TRIL: variants seen among roughly 807,000 people sequenced by gnomAD.
TRIL encodes the protein TLR4 interactor with leucine rich repeats.
Under a neutral mutation model 43.0 loss-of-function variants are expected in TRIL, and 23 were observed. That is an observed-to-expected ratio of 0.54 (90% CI 0.39 to 0.76). TRIL has a LOEUF of 0.76. TRIL is among the 30% of genes least tolerant of loss of function. The pLI is 0.00. For synonymous variants in TRIL, 602 were observed against 556.8 expected (o/e 1.08, Z -1.14); for missense variants, 1,114 against 1,139.3 (o/e 0.98, Z 0.32).
rs535694518 is a variant in TRIL at position 28,956,402 on chromosome 7, G to T, written c.1645C>A (p.Arg549Ser). ...GTGCCCAGACGATGCTTCGTCGCGC[G>T]CTGCCAGGGGTCGCCGGCGGGCGAT... ...APSPAGDPWQ[R>S]ATKHRLGTEH... is the part of the protein sequence containing the mutation. The change falls in exon 1 of 1, where the codon CGC (arginine) becomes AGC (serine). Residue 549 changes from arginine to serine, a missense_variant. Physicochemically the swap from Arg to Ser is moderately radical, Grantham distance 110. Transcript: ENST00000539664. The T allele has an allele frequency of 1.8e-5, 28 of 1,535,832 alleles. No individual in the cohort carries two copies. Among genetic ancestry groups the T allele is most frequent in the Non-Finnish European group, 2.3e-5 (26 of 1,147,230 alleles).
rs1430759633 is a variant in TRIL at position 28,954,859 on chromosome 7, C to G, written c.*752G>C. On this transcript the variant is annotated 3_prime_UTR_variant, in exon 1 of 1. Coordinates refer to ENST00000539664, the MANE Select transcript of TRIL (RefSeq NM_014817.4). ...AGAGAAGTCTTGCATGCAGCCTTCT[C>G]CTGAGAAAGTATGTAATCTTAGTTA... 6.6e-6 allele frequency: 1 copy of G among 152,192 alleles called. No homozygotes were observed. Among genetic ancestry groups the G allele is most frequent in the East Asian group, 1.9e-4 (1 of 5,202 alleles). The allele number at this position is 152,192 out of a possible 1,614,324, so 9.4% of individuals were successfully genotyped here.
At position 28,955,468 on chromosome 7, in the gene TRIL, G is replaced by A; in HGVS notation, c.*143C>T. The A allele has an allele frequency of 1.6e-6, 2 of 1,222,610 alleles. No homozygotes were observed. The highest frequency in any genetic ancestry group is 2.2e-6 in the Non-Finnish European group (2 of 908,976). The allele number at this position is 1,222,610 out of a possible 1,614,324, so 75.7% of individuals were successfully genotyped here. A position where few individuals can be genotyped will look rare whatever the true frequency, so the allele number is the denominator to read the frequency against. On this transcript the variant is annotated 3_prime_UTR_variant, in exon 1 of 1. Coordinates refer to ENST00000539664, the MANE Select transcript of TRIL (RefSeq NM_014817.4). ...TTACTTCTCGAGTATTGGGAATTGG[G>A]GGATGGTGCCCGAATTGGCCCTCTG...
Position 28,956,195 on chromosome 7 carries a change from C to G in TRIL, c.1852G>C (p.Ala618Pro). Reference protein sequence around the residue: ...EHRSPRPLGGARFRLLFDRFG... With the variant: ...EHRSPRPLGGPRFRLLFDRFG... The stretch of plus-strand genomic sequence containing the variant: ...CGGTCAAAGAGCAGGCGGAAGCGCG[C>G]GCCGCCCAGCGGCCGGGGACTGCGG... Residue 618 changes from alanine (A) to proline (P), a missense_variant, in exon 1 of 1, where the codon GCG (alanine) becomes CCG (proline). Physicochemically the swap from Ala to Pro is conservative, Grantham distance 27. Transcript: ENST00000539664. The G allele has an allele frequency of 6.4e-7, 1 of 1,566,140 alleles. No individual in the cohort carries two copies. Among genetic ancestry groups the G allele is most frequent in the Non-Finnish European group, 8.6e-7 (1 of 1,157,652 alleles).
In TRIL at chr7:28,955,868, G is replaced by A; in HGVS notation, c.2179C>T (p.Arg727Trp). 6.5e-7 allele frequency: 1 copy of A among 1,549,944 alleles called. No homozygotes were observed. Among genetic ancestry groups the A allele is most frequent in the African/African-American group, 1.4e-5 (1 of 73,194 alleles). The stretch of plus-strand genomic sequence containing the variant: ...GGGGCCCCGCCCTTCCGCCTAGCCC[G>A]CAGTTTCCTACGCAGCCAGCGAGAC... ...WASRWLRRKL[R>W]ARRKGGAPVH... The change falls in exon 1 of 1, where the codon CGG becomes TGG. Residue 727 changes from arginine to tryptophan, a missense_variant. By Grantham distance (101) the Arg-to-Trp change is moderately radical. Coordinates refer to ENST00000539664, the MANE Select transcript of TRIL (RefSeq NM_014817.4).
chr7:28,958,055 G>T lies in TRIL; in HGVS notation c.-9C>A. 1 of 1,493,460 alleles carries T rather than the reference G, an allele frequency of 6.7e-7. No individual in the cohort carries two copies. 92.5% of individuals were successfully genotyped at this position (1,493,460 alleles called of 1,614,324 possible). On this transcript the variant is annotated 5_prime_UTR_variant, in exon 1 of 1. Transcript: ENST00000539664. ...GCGCGGGCAGCCTCCATCGCCTCCC[G>T]CCCTGCGTGCAGCGGCCGGATCGTC...
In TRIL at chr7:28,957,045, G is replaced by T; in HGVS notation, c.1002C>A (p.Asn334Lys). 1 of 1,580,022 alleles carries T rather than the reference G, an allele frequency of 6.3e-7. No homozygotes were observed. Residue 334 changes from asparagine to lysine, a missense_variant, in exon 1 of 1, where the codon AAC (asparagine) becomes AAA (lysine). Transcript: ENST00000539664. ...LGRLRELSLRNNALSALSGDI... is the reference protein window; with the variant it reads ...LGRLRELSLRKNALSALSGDI... ...CCCCGGATAGGGCGCTGAGCGCGTT[G>T]TTGCGCAGGCTGAGCTCGCGCAGCC...
Position 28,955,737 on chromosome 7 carries a change from G to A in TRIL, c.2310C>T (p.Thr770=). 1.9e-6 allele frequency: 3 copies of A among 1,550,354 alleles called. No homozygotes were observed. Among genetic ancestry groups the A allele is most frequent in the African/African-American group, 2.7e-5 (2 of 73,188 alleles). Reference sequence around the variant, plus strand: ...GGTCCGCCTCACTGAGCGCGCACACGGTGGTGCGTGGCCGGTGCGACTGGA... The same window carrying A: ...GGTCCGCCTCACTGAGCGCGCACACAGTGGTGCGTGGCCGGTGCGACTGGA... ...SGFQSHRPRT[T]VCALSEADLI... is the part of the protein sequence containing the mutation. Residue 770 remains threonine (T), a synonymous_variant, in exon 1 of 1, where the codon ACC becomes ACT. Coordinates refer to ENST00000539664, the MANE Select transcript of TRIL (RefSeq NM_014817.4).
At position 28,953,999 on chromosome 7, in the gene TRIL, T is replaced by C. The variant is rs571157509; in HGVS notation, c.*1612A>G. On this transcript the variant is annotated 3_prime_UTR_variant, in exon 1 of 1. Coordinates refer to ENST00000539664, the MANE Select transcript of TRIL (RefSeq NM_014817.4). ...TGAGTCACCAGGACCCTCAGGGGCT[T>C]AAGGCCCTAAACAGAAGATTCCACT... 6.5e-6 allele frequency: 1 copy of C among 152,736 alleles called. No individual in the cohort carries two copies. The highest frequency in any genetic ancestry group is 2.1e-4 in the South Asian group (1 of 4,816). 9.5% of individuals were successfully genotyped at this position (152,736 alleles called of 1,614,324 possible). A position where few individuals can be genotyped will look rare whatever the true frequency, so the allele number is the denominator to read the frequency against.
Position 28,954,789 on chromosome 7 carries a change from G to C in TRIL, c.*822C>G, listed in dbSNP as rs931225811. 4 of 151,896 alleles carry C rather than the reference G, an allele frequency of 2.6e-5. No individual in the cohort carries two copies. The highest frequency in any genetic ancestry group is 6.6e-5 in the Admixed American group (1 of 15,250). 9.4% of individuals were successfully genotyped at this position (151,896 alleles called of 1,614,324 possible). ...ATTGAAATTTCCTTTTCCATATATA[G>C]GTTTAAAAAAATAAAATTAAAAAAG... On this transcript the variant is annotated 3_prime_UTR_variant, in exon 1 of 1. Transcript: ENST00000539664.
rs777016484 is a variant in TRIL at position 28,957,622 on chromosome 7, T to C, written c.425A>G (p.Glu142Gly). ...KLRILYANGN[E>G]ISRLSRGSFE... ...GGAGCCGCGGCTTAGGCGGCTGATC[T>C]CGTTCCCGTTGGCGTAGAGGATGCG... The change falls in exon 1 of 1, where the codon GAG becomes GGG. Residue 142 changes from glutamate to glycine, a missense_variant. Coordinates refer to ENST00000539664, the MANE Select transcript of TRIL (RefSeq NM_014817.4). 6 of 1,611,036 alleles carry C rather than the reference T, an allele frequency of 3.7e-6. No individual in the cohort carries two copies. The highest frequency in any genetic ancestry group is 8.5e-7 in the Non-Finnish European group (1 of 1,178,888).
In TRIL at chr7:28,958,098, CTG is replaced by C. The variant is rs1283954363; in HGVS notation, c.-54_-53del. 2 of 1,463,324 alleles carry C rather than the reference CTG, an allele frequency of 1.4e-6. No individual in the cohort carries two copies. The highest frequency in any genetic ancestry group is 2.7e-5 in the Admixed American group (1 of 36,850). 90.6% of individuals were successfully genotyped at this position (1,463,324 alleles called of 1,614,324 possible). On this transcript the variant is annotated 5_prime_UTR_variant, in exon 1 of 1. Coordinates refer to ENST00000539664, the MANE Select transcript of TRIL (RefSeq NM_014817.4). ...GGATCGTCCTCTTGGCCCGCCGGCT[CTG>C]TGTCTCCTCTGCATTCCCCTTAGCC...
chr7:28,956,849 A>G lies in TRIL; in HGVS notation c.1198T>C (p.Tyr400His). 1 of 1,608,064 alleles carries G rather than the reference A, an allele frequency of 6.2e-7. No homozygotes were observed. Reference sequence around the variant, plus strand: ...TGCTGGTCATCCAGGTAATCCAGGTATTTGCCTCGCAGGGCCGGGGGGTGG... The same window carrying G: ...TGCTGGTCATCCAGGTAATCCAGGTGTTTGCCTCGCAGGGCCGGGGGGTGG... ...CRHPPALRGK[Y>H]LDYLDDQQLQ... The change falls in exon 1 of 1, where the codon TAC becomes CAC. Residue 400 changes from tyrosine (Y) to histidine (H), a missense_variant. Physicochemically the swap from Tyr to His is moderately conservative, Grantham distance 83. Transcript: ENST00000539664.
rs1783443178 is a variant in TRIL, at chr7:28,958,281, G to C, written c.-235C>G. ...GCTCTGCAGACCCCGGGTACTACTT[G>C]TTGCATTTCTGTATAAAACTGTTTC... On this transcript the variant is annotated 5_prime_UTR_variant, in exon 1 of 1. Coordinates refer to ENST00000539664, the MANE Select transcript of TRIL (RefSeq NM_014817.4). The C allele has an allele frequency of 1.9e-6, 1 of 521,098 alleles. No individual in the cohort carries two copies. The highest frequency in any genetic ancestry group is 2.0e-5 in the African/African-American group (1 of 49,236). 32.3% of individuals were successfully genotyped at this position (521,098 alleles called of 1,614,324 possible).
rs1245925943 is a variant in TRIL at position 28,954,172 on chromosome 7, C to T, written c.*1439G>A. On this transcript the variant is annotated 3_prime_UTR_variant, in exon 1 of 1. Coordinates refer to ENST00000539664, the MANE Select transcript of TRIL (RefSeq NM_014817.4). ...ATTATTAATGTAAACCAAACCACTA[C>T]ACTTAGTGATAAACATGTACTTCAT... 1 of 152,532 alleles carries T rather than the reference C, an allele frequency of 6.6e-6. No individual in the cohort carries two copies. The highest frequency in any genetic ancestry group is 2.4e-5 in the African/African-American group (1 of 41,448). The allele number at this position is 152,532 out of a possible 1,614,324, so 9.4% of individuals were successfully genotyped here.
In TRIL at chr7:28,955,843, G is replaced by C. The variant is rs987925941; in HGVS notation, c.2204C>G (p.Pro735Arg). 2.3e-5 allele frequency: 36 copies of C among 1,549,568 alleles called. No individual in the cohort carries two copies. Among genetic ancestry groups the C allele is most frequent in the Non-Finnish European group, 3.1e-5 (35 of 1,146,738 alleles). ...GGAGTACATGTGCCGAACGTGGACCGGGGCCCCGCCCTTCCGCCTAGCCCG... is the reference window on the plus strand; with the variant it reads ...GGAGTACATGTGCCGAACGTGGACCCGGGCCCCGCCCTTCCGCCTAGCCCG... ...KLRARRKGGA[P>R]VHVRHMYSTR... is the part of the protein sequence containing the mutation. The change falls in exon 1 of 1, where the codon CCG (proline) becomes CGG (arginine). Residue 735 changes from proline to arginine, a missense_variant. Transcript: ENST00000539664.
In TRIL at chr7:28,958,148, T is replaced by C. The variant is rs1177884914; in HGVS notation, c.-102A>G. 1 of 1,396,878 alleles carries C rather than the reference T, an allele frequency of 7.2e-7. No individual in the cohort carries two copies. The highest frequency in any genetic ancestry group is 1.5e-5 in the African/African-American group (1 of 66,130). 86.5% of individuals were successfully genotyped at this position (1,396,878 alleles called of 1,614,324 possible). On this transcript the variant is annotated 5_prime_UTR_variant, in exon 1 of 1. Transcript: ENST00000539664. ...GCCTGGCCAGAGTCGCTAAATGGCC[T>C]CTTTCGGACTTCGCAGCGCCGTCCA...
rs187695235 is a variant in TRIL, at chr7:28,954,330, C to T, written c.*1281G>A. ...TTAACTAAAAGATAAGATTTAATAACACAGTAAGACACTCAGTTGGGGAGG... is the reference window on the plus strand; with the variant it reads ...TTAACTAAAAGATAAGATTTAATAATACAGTAAGACACTCAGTTGGGGAGG... On this transcript the variant is annotated 3_prime_UTR_variant, in exon 1 of 1. Transcript: ENST00000539664. 1.3e-5 allele frequency: 2 copies of T among 152,696 alleles called. No individual in the cohort carries two copies. The highest frequency in any genetic ancestry group is 6.5e-5 in the Admixed American group (1 of 15,302). The allele number at this position is 152,696 out of a possible 1,614,324, so 9.5% of individuals were successfully genotyped here. A position where few individuals can be genotyped will look rare whatever the true frequency, so the allele number is the denominator to read the frequency against.
chr7:28,958,189 T>A lies in TRIL; in HGVS notation c.-143A>T. 1 of 1,234,066 alleles carries A rather than the reference T, an allele frequency of 8.1e-7. No individual in the cohort carries two copies. The highest frequency in any genetic ancestry group is 2.9e-4 in the Middle Eastern group (1 of 3,418). The allele number at this position is 1,234,066 out of a possible 1,614,324, so 76.4% of individuals were successfully genotyped here. On this transcript the variant is annotated 5_prime_UTR_variant, in exon 1 of 1. The change creates a new upstream start codon in the 5' untranslated region. Transcript: ENST00000539664. ...GCGCCGTCCAGCCCCTCCTCCGTCC[T>A]TTGTCCGGAGGCCGGCCCGGGTCTC... is the stretch of plus-strand genomic sequence containing the variant.
chr7:28,955,995 T>A lies in TRIL; in HGVS notation c.2052A>T (p.Leu684=). 1 of 1,552,036 alleles carries A rather than the reference T, an allele frequency of 6.4e-7. No individual in the cohort carries two copies. Among genetic ancestry groups the A allele is most frequent in the South Asian group, 1.2e-5 (1 of 84,626 alleles). The change falls in exon 1 of 1, where the codon CTA becomes CTT. Residue 684 remains leucine (L), a synonymous_variant. Coordinates refer to ENST00000539664, the MANE Select transcript of TRIL (RefSeq NM_014817.4). ...PRDHCAGLVT[L]PEAGSRGGVD... ...CGCCGCCCCGGCTCCCGGCCTCCGGTAGGGTGACCAGCCCCGCGCAGTGGT... is the reference window on the plus strand; with the variant it reads ...CGCCGCCCCGGCTCCCGGCCTCCGGAAGGGTGACCAGCCCCGCGCAGTGGT...
Sources: gnomAD v4.1 joint callset for allele counts on GRCh38, gnomAD v4.1.1 for gene constraint, MANE v1.5 for transcripts, NCBI Gene and HGNC (gene_info 2026-07-23, HGNC 2026-07-21) for gene names.